Variants in LTF observed in about 807,000 individuals in gnomAD.
The protein encoded by LTF is epididymis luminal protein 110.
Under a neutral mutation model 87.2 loss-of-function variants are expected in LTF, and 91 were observed. The observed-to-expected ratio is 1.04, with a 90% confidence interval of 0.88 to 1.24. The LOEUF is 1.24. Ranked by LOEUF, LTF falls within the 50% of genes most tolerant of loss-of-function variation. LTF has a pLI of 0.00. For synonymous variants in LTF, 378 were observed against 356.1 expected (o/e 1.06, Z -0.69); for missense variants, 901 against 904.3 (o/e 1.00, Z 0.05).
Position 46,441,493 on chromosome 3 carries a change from TC to T in LTF, c.1656-11del. ...ATTCTCAGCCAGGCACCTAAAATGT[TC>T]CAGAAAATATACACATAATTACAGA... is the stretch of plus-strand genomic sequence containing the variant. On this transcript the variant is annotated splice_polypyrimidine_tract_variant and intron_variant, in intron 13 of 16. Coordinates refer to ENST00000231751, the MANE Select transcript of LTF (RefSeq NM_002343.6). 6.2e-7 allele frequency: 1 copy of T among 1,605,892 alleles called. No individual in the cohort carries two copies. The highest frequency in any genetic ancestry group is 8.5e-7 in the Non-Finnish European group (1 of 1,173,180).
Position 46,472,936 on chromosome 3 carries a change from A to C in LTF, c.-319-2470T>G, listed in dbSNP as rs1408551368. 2.6e-5 allele frequency among the ~76,000 whole-genome samples: 4 copies of C among 152,104 alleles called. No homozygotes were observed. In the East Asian group the frequency reaches 7.7e-4, roughly 29 times the overall value. ...CACTTCATCTGGCAAGGCGGGGGCC[A>C]GACTCCCCATGTCTCTAGGTCAATA... is the stretch of plus-strand genomic sequence containing the variant. On this transcript the variant is annotated intron_variant, in intron 1 of 19. Coordinates refer to the LTF transcript ENST00000443496.
At chr3:46,484,618 C>G (rs949618762) in intron 1 of LTF, among the ~76,000 whole-genome samples, 5 of 152,170 alleles carry the variant, frequency 3.3e-5, no homozygotes, top group African/African-American at 9.7e-5. Flanking sequence ...TGGAACTGAG[C>G]CCTTATGATC....
At chr3:46,472,527 T>TGTGTGTGTGA (rs1402389714) in intron 1 of LTF, among the ~76,000 whole-genome samples, 229 of 130,798 alleles carry the variant, frequency 1.8e-3, no homozygotes, top group East Asian at 0.011. Context: ...TGTGTGTGTG[T>TGTGTGTGTGA]GAGAGAGAGA....
At chr3:46,448,121 T>C (rs763470525) in intron 9 of LTF, among the ~76,000 whole-genome samples, 1 of 152,132 alleles carries the variant, frequency 6.6e-6, no homozygotes, top group Non-Finnish European at 1.5e-5. Flanking sequence ...CCCAGCACTT[T>C]GGGAGGCCGA....
At chr3:46,451,168 A>G (rs1219127790) in intron 6 of LTF, among the ~76,000 whole-genome samples, 1 of 152,236 alleles carries the variant, frequency 6.6e-6, no homozygotes, top group African/African-American at 2.4e-5. Flanking sequence ...GAATGAGTTC[A>G]GGCAAATGTG....
At chr3:46,440,718 G>A (rs1702496853) in intron 14 of LTF, among the ~76,000 whole-genome samples, 1 of 152,214 alleles carries the variant, frequency 6.6e-6, no homozygotes, top group Admixed American at 6.5e-5. Flanking sequence ...AGTGATTACT[G>A]AAGGAGGGAG....
intron 9 of LTF, 103 bp from the exon 10 acceptor site, chr3:46,447,501 G>A (rs1702685481): frequency 1.3e-6 from 1 of 797,618 alleles, no homozygotes; most frequent in South Asian, 1.4e-5. Flanking sequence ...GGTGACCAGT[G>A]AAACAGCAGA....
chr3:46,465,064 C>A, upstream of LTF: 1 of 615,988 alleles, frequency 1.6e-6, no homozygotes, highest in Non-Finnish European at 2.9e-6. Context: ...CTCCACACCG[C>A]GCTGCGAGAG....
At chr3:46,455,253 G>A (rs776842896) in intron 5 of LTF, 42 bp downstream of exon 5, 2 of 1,612,988 alleles carry the variant, frequency 1.2e-6, no homozygotes, top group Admixed American at 1.7e-5. Context: ...CTGAGGCCAA[G>A]GGACACTTGG....
intron 1 of LTF, chr3:46,463,668 G>A: frequency 1.0e-6 from 1 of 985,382 alleles, no homozygotes; most frequent in Non-Finnish European, 1.2e-6. Context: ...CCAGAATCCT[G>A]GACCACAGCC....
chr3:46,443,321 C>A, intron 13 of LTF, 120 bp downstream of exon 13: 1 of 1,247,010 alleles, frequency 8.0e-7, no homozygotes, highest in Admixed American at 1.8e-5. Flanking sequence ...CATGAGCTGA[C>A]CCACAGGATG....
upstream of LTF, among the ~76,000 whole-genome samples, chr3:46,467,507 C>T (rs1559610094): frequency 6.6e-6 from 1 of 152,096 alleles, no homozygotes; most frequent in Non-Finnish European, 1.5e-5. Flanking sequence ...ACAGGTAGAG[C>T]ATTCTGTAAA....
At chr3:46,444,125 C>G (rs2106843671) in intron 12 of LTF, among the ~76,000 whole-genome samples, 1 of 152,280 alleles carries the variant, frequency 6.6e-6, no homozygotes, top group Admixed American at 6.5e-5. Context: ...GCCTTTTGCC[C>G]TTTCTTCTCC....
rs767378987 is a variant in LTF at position 46,448,868 on chromosome 3, C to T, written c.1207G>A (p.Val403Met). 1.2e-6 allele frequency: 2 copies of T among 1,612,880 alleles called. No homozygotes were observed. Among genetic ancestry groups the T allele is most frequent in the South Asian group, 2.2e-5 (2 of 90,972 alleles). Residue 403 changes from valine (V) to methionine (M), a missense_variant, in exon 9 of 17, where the codon GTG (valine) becomes ATG (methionine). By Grantham distance (21) the Val-to-Met change is conservative (BLOSUM62 1). Coordinates refer to ENST00000231751, the MANE Select transcript of LTF (RefSeq NM_002343.6). The part of the protein sequence containing the change: ...ASTTEDCIAL[V>M]LKGEADAMSL... ...CCTGTGATGGAGCTCCCTACCAGCACCAGGGCGATGCAGTCCTCTGTGGTG... is the reference window on the plus strand; with the variant it reads ...CCTGTGATGGAGCTCCCTACCAGCATCAGGGCGATGCAGTCCTCTGTGGTG...
chr3:46,447,464 G>T, intron 9 of LTF, 66 bp from the exon 10 acceptor site: 1 of 1,105,428 alleles, frequency 9.0e-7, no homozygotes, highest in South Asian at 1.2e-5. Flanking sequence ...TGTCTATATA[G>T]CTCTCTGAGA....
At chr3:46,480,914 A>G (rs967672893) in intron 1 of LTF, among the ~76,000 whole-genome samples, 25 of 152,218 alleles carry the variant, frequency 1.6e-4, no homozygotes, top group Admixed American at 1.1e-3. Flanking sequence ...CAGGTGGGCC[A>G]TGGGGGCTGA....
intron 3 of LTF, 148 bp from the exon 4 acceptor site, chr3:46,456,126 T>C: frequency 1.0e-6 from 1 of 953,146 alleles, no homozygotes; most frequent in East Asian, 2.6e-5. Context: ...TGGGTCAGCG[T>C]CAGGAGGAAC....
intron 10 of LTF, 72 bp downstream of exon 10, chr3:46,447,236 C>T (rs1332554978): frequency 1.2e-5 from 13 of 1,050,960 alleles, no homozygotes; most frequent in East Asian, 4.7e-5. Flanking sequence ...CTGCATTCAC[C>T]GAATGGGATT....
Position 46,450,574 on chromosome 3 carries a change from C to CG in LTF, c.802dup (p.Arg268ProfsTer45). The CG allele has an allele frequency of 4.3e-6, 7 of 1,614,150 alleles. No homozygotes were observed. Among genetic ancestry groups the CG allele is most frequent in the Non-Finnish European group, 5.9e-6 (7 of 1,180,032 alleles). On this transcript the variant is annotated frameshift_variant, in exon 7 of 17. Coordinates refer to ENST00000231751, the MANE Select transcript of LTF (RefSeq NM_002343.6). LOFTEE classifies it high-confidence loss of function. Reference sequence around the variant, plus strand: ...TGCCACAACGGCATGAGAAGGGACCCGGGCCAGATGGCAGTCTTTGAACTT... The same window carrying CG: ...TGCCACAACGGCATGAGAAGGGACCCGGGGCCAGATGGCAGTCTTTGAACTT...
Sources: gnomAD v4.1 joint callset for allele counts (sites outside exome capture counted in the v4.1 genomes callset) on GRCh38, gnomAD v4.1.1 for gene constraint, MANE v1.5 for transcripts, NCBI Gene and HGNC (gene_info 2026-07-23, HGNC 2026-07-21) for gene names.